The following GPC6 variants were observed in gnomAD, a reference collection of about 807,000 sequenced individuals.
GPC6 encodes glypican 6.
Under a neutral mutation model 55.2 loss-of-function variants are expected in GPC6, and 14 were observed. The ratio of observed to expected loss-of-function variants is 0.25; its 90% CI spans 0.17 to 0.40. GPC6 has a LOEUF of 0.40. GPC6 is among the 10% of genes least tolerant of loss of function. The pLI, the probability that GPC6 is intolerant of heterozygous loss-of-function variation, is 1.00. For synonymous variants in GPC6, 278 were observed against 259.6 expected (o/e 1.07, Z -0.68); for missense variants, 641 against 708.5 (o/e 0.90, Z 1.08).
chr13:93,522,034 A>T (rs191426048), intron 1 of GPC6, among the ~76,000 whole-genome samples: 102 of 151,964 alleles, frequency 6.7e-4, no homozygotes, highest in African/African-American at 2.4e-3. Flanking sequence ...GTGCTGTTTC[A>T]TTTTATCTTA....
At chr13:93,420,056 G>C (rs1366175929) in intron 1 of GPC6, among the ~76,000 whole-genome samples, 1 of 152,020 alleles carries the variant, frequency 6.6e-6, no homozygotes, top group Non-Finnish European at 1.5e-5. Flanking sequence ...GAACAACATT[G>C]TTTTTGCCCA....
chr13:93,382,038 T>G (rs1875197146), intron 1 of GPC6, among the ~76,000 whole-genome samples: 2 of 152,150 alleles, frequency 1.3e-5, no homozygotes, highest in African/African-American at 4.8e-5. Context: ...TTAATAAATA[T>G]ACAGATATTT....
Position 93,313,264 on chromosome 13 carries a change from A to G in GPC6, c.160+85648A>G, listed in dbSNP as rs144387077. ...CAACTAAGAACTAATAAAATCTTTG[A>G]AGCTTGAAACTGTAGAAATGAGGTA... On this transcript the variant is annotated intron_variant, in intron 1 of 8. Transcript: ENST00000377047. Among the ~76,000 whole-genome samples, 273 of 148,452 alleles carry G rather than the reference A, an allele frequency of 1.8e-3. 1 individual carries two copies. Among genetic ancestry groups the G allele is most frequent in the African/African-American group, 6.5e-3 (260 of 39,828 alleles).
At chr13:94,065,567 T>G (rs191065623) in intron 4 of GPC6, among the ~76,000 whole-genome samples, 1 of 152,296 alleles carries the variant, frequency 6.6e-6, no homozygotes, top group African/African-American at 2.4e-5. Flanking sequence ...GTTCTCATAT[T>G]TTCTAACACC....
intron 6 of GPC6, among the ~76,000 whole-genome samples, chr13:94,374,523 T>C: frequency 7.4e-6 from 1 of 134,840 alleles, no homozygotes; most frequent in East Asian, 2.3e-4. Flanking sequence ...GTCCTAAATA[T>C]ATATGCACCC....
intron 3 of GPC6, among the ~76,000 whole-genome samples, chr13:93,840,544 T>C (rs1180608412): frequency 9.5e-6 from 1 of 104,738 alleles, no homozygotes; most frequent in Admixed American, 1.1e-4. Context: ...CATATTTTGA[T>C]TGATTTTGTT....
intron 3 of GPC6, among the ~76,000 whole-genome samples, chr13:93,963,038 G>A (rs957394877): frequency 2.0e-5 from 3 of 152,126 alleles, no homozygotes; most frequent in African/African-American, 4.8e-5. Context: ...TTTATGTGAA[G>A]CATACCAGTC....
chr13:93,478,651 C>G (rs1879388521), intron 1 of GPC6, among the ~76,000 whole-genome samples: 1 of 152,086 alleles, frequency 6.6e-6, no homozygotes, highest in Non-Finnish European at 1.5e-5. Flanking sequence ...GGTTTTGGCA[C>G]TGGGAGCAAT....
rs558447679 is a variant in GPC6, at chr13:94,072,806, G to C, written c.877+44912G>C. On this transcript the variant is annotated intron_variant, in intron 4 of 8. Transcript: ENST00000377047. Reference sequence around the variant, plus strand: ...GCAATGACAGGGCAAAGTGGCATGTGCTTAATGTACTTTGGGGTCCATAGG... The same window carrying C: ...GCAATGACAGGGCAAAGTGGCATGTCCTTAATGTACTTTGGGGTCCATAGG... Among the ~76,000 whole-genome samples the C allele has an allele frequency of 4.6e-5, 7 of 152,356 alleles. No individual in the cohort carries two copies. In the East Asian group the frequency reaches 1.4e-3, roughly 29 times the overall value.
chr13:93,653,616 A>G (rs765167265), intron 2 of GPC6, among the ~76,000 whole-genome samples: 8 of 137,960 alleles, frequency 5.8e-5, no homozygotes, highest in Non-Finnish European at 1.1e-4. Flanking sequence ...GTGTGTGTAC[A>G]TATATATATG....
chr13:93,828,569 C>T (rs9524246), intron 2 of GPC6, among the ~76,000 whole-genome samples: 101,536 of 151,886 alleles, frequency 0.67, 34,566 homozygotes, highest in East Asian at 0.81. Context: ...TACCGAATCC[C>T]TAAAGATTCA....
At chr13:93,685,378 G>A (rs915219825) in intron 2 of GPC6, among the ~76,000 whole-genome samples, 2 of 152,156 alleles carry the variant, frequency 1.3e-5, no homozygotes, top group African/African-American at 4.8e-5. Context: ...GGCCATGCAT[G>A]TAGTAGTTCC....
In GPC6 at chr13:94,326,380, A is replaced by G. The variant is rs566444075; in HGVS notation, c.1152+20257A>G. Among the ~76,000 whole-genome samples the G allele has an allele frequency of 2.0e-4, 30 of 152,324 alleles. No homozygotes were observed. In the East Asian group the frequency reaches 4.4e-3, roughly 23 times the overall value. The stretch of plus-strand genomic sequence containing the variant: ...AGGACAGCATATCAGAAGTGCAGAG[A>G]TAAGGAGCCAGAACAAGACCTAGGT... On this transcript the variant is annotated intron_variant, in intron 6 of 8. Transcript: ENST00000377047.
At chr13:93,381,305 C>T (rs759103842) in intron 1 of GPC6, among the ~76,000 whole-genome samples, 87 of 152,044 alleles carry the variant, frequency 5.7e-4, no homozygotes, top group Admixed American at 1.6e-3. Flanking sequence ...AGTGTCATTG[C>T]TCAAGGCAAA....
At chr13:93,912,699 C>A (rs559052766) in intron 3 of GPC6, among the ~76,000 whole-genome samples, 1 of 152,180 alleles carries the variant, frequency 6.6e-6, no homozygotes, top group Admixed American at 6.5e-5. Flanking sequence ...GCCGAGATTG[C>A]GCCACTGCAC....
At chr13:94,012,534 A>C (rs1005553459) in intron 3 of GPC6, among the ~76,000 whole-genome samples, 1 of 152,210 alleles carries the variant, frequency 6.6e-6, no homozygotes, top group Non-Finnish European at 1.5e-5. Context: ...ATCAATAAAC[A>C]ATAGCAACAC....
rs1555305226 is a variant in GPC6, at chr13:94,186,080, A to AAAAAAAAAT, written c.878-100269_878-100268insAAAAAAAAT. Reference sequence around the variant, plus strand: ...GTCTCCAAAAAAAAAAAAAAAAAAAAGGTTTTCTTACTGAGAAATTATTTT... The same window carrying AAAAAAAAAT: ...GTCTCCAAAAAAAAAAAAAAAAAAAAAAAAAAAATGGTTTTCTTACTGAGAAATTATTTT... On this transcript the variant is annotated intron_variant, in intron 4 of 8. Coordinates refer to ENST00000377047, the MANE Select transcript of GPC6 (RefSeq NM_005708.5). 4.0e-5 allele frequency among the ~76,000 whole-genome samples: 6 copies of AAAAAAAAAT among 149,284 alleles called. 1 individual carries two copies. Among genetic ancestry groups the AAAAAAAAAT allele is most frequent in the Admixed American group, 2.0e-4 (3 of 14,974 alleles).
At position 93,333,641 on chromosome 13, in the gene GPC6, C is replaced by T. The variant is rs1003435543; in HGVS notation, c.160+106025C>T. On this transcript the variant is annotated intron_variant, in intron 1 of 8. Coordinates refer to ENST00000377047, the MANE Select transcript of GPC6 (RefSeq NM_005708.5). ...TCTACCTCCTGGCTCAAGTGATCCT[C>T]CCACCTCAGCCTCCCAAGTATTGTA... is the stretch of plus-strand genomic sequence containing the variant. 9.2e-5 allele frequency among the ~76,000 whole-genome samples: 14 copies of T among 151,448 alleles called. No homozygotes were observed. The East Asian group carries it at 2.5e-3, about 27-fold the overall frequency.
At chr13:93,695,704 T>A (rs1882428354) in intron 2 of GPC6, among the ~76,000 whole-genome samples, 1 of 152,152 alleles carries the variant, frequency 6.6e-6, no homozygotes, top group Non-Finnish European at 1.5e-5. Context: ...ATTTAAAATA[T>A]GCTTTCATTC....
Sources: allele counts gnomAD v4.1 joint callset (sites outside exome capture counted in the v4.1 genomes callset), GRCh38; gene constraint gnomAD v4.1.1; transcripts MANE v1.5; gene names NCBI Gene and HGNC (gene_info 2026-07-23, HGNC 2026-07-21).